DOCK1: variants seen among roughly 807,000 people sequenced by gnomAD.
The protein encoded by DOCK1 is dedicator of cytokinesis 1.
In DOCK1, 138 loss-of-function variants were observed where a neutral mutation model predicts 262.7. That is an observed-to-expected ratio of 0.53 (90% CI 0.46 to 0.61). The LOEUF is 0.61. DOCK1 is among the 20% of genes least tolerant of loss of function. The probability of loss-of-function intolerance (pLI) is 0.00; values close to 1 mark genes in which losing one functional copy is unlikely to be tolerated. For synonymous variants in DOCK1, 866 were observed against 867.4 expected (o/e 1.00, Z 0.03); for missense variants, 1,908 against 2,370.7 (o/e 0.80, Z 4.05).
intron 29 of DOCK1, among the ~76,000 whole-genome samples, chr10:127,315,524 A>G (rs2062238721): frequency 6.6e-6 from 1 of 152,064 alleles, no homozygotes; most frequent in African/African-American, 2.4e-5. Context: ...CACATCTCAC[A>G]CCTTGATCTT....
intron 9 of DOCK1, among the ~76,000 whole-genome samples, chr10:126,999,908 C>T (rs1265475300): frequency 6.6e-6 from 1 of 152,186 alleles, no homozygotes; most frequent in Non-Finnish European, 1.5e-5. Context: ...AACTCCTGAC[C>T]TCGTGATCCA....
chr10:127,013,306 C>A (rs1486144265), intron 12 of DOCK1, among the ~76,000 whole-genome samples: 1 of 152,102 alleles, frequency 6.6e-6, no homozygotes. Flanking sequence ...TCAGCTGACC[C>A]AGGACCCATC....
chr10:127,301,589 A>G (rs1253116439), intron 29 of DOCK1, among the ~76,000 whole-genome samples: 2 of 152,164 alleles, frequency 1.3e-5, no homozygotes, highest in African/African-American at 2.4e-5. Flanking sequence ...TTATTTGGAA[A>G]TCAAATGTAT....
At chr10:127,439,825 C>T (rs1229833549) in intron 49 of DOCK1, among the ~76,000 whole-genome samples, 5 of 152,082 alleles carry the variant, frequency 3.3e-5, no homozygotes, top group Admixed American at 1.3e-4. Flanking sequence ...ACCTTGAAGA[C>T]GGGTCCCAGT....
At chr10:127,088,075 C>A (rs903914798) in intron 23 of DOCK1, among the ~76,000 whole-genome samples, 1 of 152,178 alleles carries the variant, frequency 6.6e-6, no homozygotes, top group African/African-American at 2.4e-5. Context: ...CAGGTTTTCT[C>A]TTCTGATGGT....
chr10:126,946,647 C>T (rs2035430377), intron 1 of DOCK1, among the ~76,000 whole-genome samples: 1 of 152,212 alleles, frequency 6.6e-6, no homozygotes, highest in Non-Finnish European at 1.5e-5. Flanking sequence ...CTAGGAGCCA[C>T]ATAGGAACGG....
intron 31 of DOCK1, among the ~76,000 whole-genome samples, chr10:127,346,538 G>GT (rs1241440820): frequency 6.6e-6 from 1 of 152,186 alleles, no homozygotes; most frequent in East Asian, 1.9e-4. Flanking sequence ...CGGGGCTGCA[G>GT]TGAGCCATGA....
intron 36 of DOCK1, 59 bp downstream of exon 36, chr10:127,380,181 T>C (rs1220335856): frequency 1.6e-6 from 2 of 1,267,726 alleles, no homozygotes; most frequent in East Asian, 5.2e-5. Flanking sequence ...ATGTTGTATG[T>C]TTACGTATGC....
intron 1 of DOCK1, among the ~76,000 whole-genome samples, chr10:126,939,860 C>G (rs1385990465): frequency 4.6e-5 from 7 of 152,212 alleles, no homozygotes; most frequent in Non-Finnish European, 1.0e-4. Flanking sequence ...CCTCTCTCGG[C>G]AGCTGTAAGT....
At chr10:126,950,805 C>T (rs2036148926) in intron 1 of DOCK1, among the ~76,000 whole-genome samples, 1 of 152,114 alleles carries the variant, frequency 6.6e-6, no homozygotes, top group South Asian at 2.1e-4. Context: ...GTCAAGTGTT[C>T]GTTGGAGTTT....
intron 16 of DOCK1, among the ~76,000 whole-genome samples, chr10:127,030,836 G>A (rs762006357): frequency 6.6e-6 from 1 of 151,326 alleles, no homozygotes; most frequent in Non-Finnish European, 1.5e-5. Flanking sequence ...CTCTATCTCT[G>A]TCTCTCTGTC....
chr10:127,184,155 C>T (rs957327029), intron 27 of DOCK1, among the ~76,000 whole-genome samples: 4 of 152,082 alleles, frequency 2.6e-5, no homozygotes, highest in Non-Finnish European at 5.9e-5. Context: ...CTGTGCTTAC[C>T]CCAGCTGAGC....
intron 27 of DOCK1, among the ~76,000 whole-genome samples, chr10:127,221,434 A>G (rs1054072025): frequency 2.6e-5 from 4 of 152,136 alleles, no homozygotes; most frequent in South Asian, 2.1e-4. Context: ...TTAACGTGAG[A>G]GACATGTGTG....
At chr10:127,248,195 A>G (rs1333919199) in intron 28 of DOCK1, 86 bp downstream of exon 28, 11 of 1,191,314 alleles carry the variant, frequency 9.2e-6, no homozygotes, top group Non-Finnish European at 1.3e-5. Flanking sequence ...TATTCATTTA[A>G]AATAGGATTT....
At chr10:127,226,750 A>AAAAC (rs147379947) in intron 27 of DOCK1, among the ~76,000 whole-genome samples, 240 of 151,748 alleles carry the variant, frequency 1.6e-3, no homozygotes, top group Middle Eastern at 6.8e-3. Context: ...TCTCAGAATG[A>AAAAC]AAACAAACAA....
At chr10:126,935,602 TC>T (rs1275308594) in intron 1 of DOCK1, among the ~76,000 whole-genome samples, 1 of 152,250 alleles carries the variant, frequency 6.6e-6, no homozygotes, top group Non-Finnish European at 1.5e-5. Flanking sequence ...CAGCAGCTCT[TC>T]CTTCCTTCCG....
At chr10:126,984,536 T>C (rs540336268) in intron 4 of DOCK1, among the ~76,000 whole-genome samples, 50 of 136,838 alleles carry the variant, frequency 3.7e-4, no homozygotes, top group Admixed American at 3.1e-3. Context: ...TGTGTGTGTG[T>C]TTTTTTTTTT....
intron 32 of DOCK1, among the ~76,000 whole-genome samples, chr10:127,359,939 C>A (rs2064331237): frequency 6.6e-6 from 1 of 152,114 alleles, no homozygotes; most frequent in Non-Finnish European, 1.5e-5. Context: ...ATATTTTATT[C>A]AAACATTTAA....
chr10:127,079,193 T>A (rs943868527), intron 23 of DOCK1, among the ~76,000 whole-genome samples: 5 of 152,206 alleles, frequency 3.3e-5, no homozygotes, highest in South Asian at 2.1e-4. Flanking sequence ...TGGATGCATT[T>A]ACCGGTGGTG....
Sources: allele counts gnomAD v4.1 joint callset (sites outside exome capture counted in the v4.1 genomes callset), GRCh38; gene constraint gnomAD v4.1.1; transcripts MANE v1.5; gene names NCBI Gene and HGNC (gene_info 2026-07-23, HGNC 2026-07-21).